SYK: variants seen among roughly 807,000 people sequenced by gnomAD.
The protein encoded by SYK is tyrosine-protein kinase SYK.
A neutral mutation model predicts 77.8 loss-of-function variants in SYK; 16 were observed. That is an observed-to-expected ratio of 0.21 (90% CI 0.14 to 0.31). The LOEUF (loss-of-function observed/expected upper bound fraction) is 0.31. Among genes scored for constraint, SYK ranks in the 10% least tolerant of loss-of-function variants. The probability of loss-of-function intolerance (pLI) is 1.00; values close to 1 mark genes in which losing one functional copy is unlikely to be tolerated. For synonymous variants in SYK, 312 were observed against 308.7 expected (o/e 1.01, Z -0.11); for missense variants, 529 against 814.4 (o/e 0.65, Z 4.26).
chr9:90,842,645 G>A (rs1031793976), intron 1 of SYK, among the ~76,000 whole-genome samples: 25 of 149,542 alleles, frequency 1.7e-4, no homozygotes, highest in Non-Finnish European at 3.4e-4. Context: ...TTGTGTGTTT[G>A]GTGTGTGTGA....
intron 1 of SYK, among the ~76,000 whole-genome samples, chr9:90,839,358 C>A (rs1826207575): frequency 6.6e-6 from 1 of 152,184 alleles, no homozygotes; most frequent in Non-Finnish European, 1.5e-5. Flanking sequence ...AAAGGGCCAT[C>A]AGCCACATCG....
At chr9:90,832,179 C>G (rs1825922096) in intron 1 of SYK, among the ~76,000 whole-genome samples, 1 of 152,174 alleles carries the variant, frequency 6.6e-6, no homozygotes, top group African/African-American at 2.4e-5. Flanking sequence ...GCAAATTCAG[C>G]TTTCATGGTG....
At chr9:90,821,977 C>A (rs290246) in intron 1 of SYK, among the ~76,000 whole-genome samples, 7 of 151,910 alleles carry the variant, frequency 4.6e-5, no homozygotes, top group South Asian at 2.1e-4. Context: ...AAATAAGGTG[C>A]CTTTACACAG....
chr9:90,894,030 C>T (rs150047969), intron 13 of SYK, among the ~76,000 whole-genome samples: 2 of 152,298 alleles, frequency 1.3e-5, no homozygotes, highest in Non-Finnish European at 2.9e-5. Flanking sequence ...GAGACCTGAC[C>T]AGGTGTTTTT....
chr9:90,867,921 A>G (rs1467163950), intron 7 of SYK, among the ~76,000 whole-genome samples: 3 of 151,990 alleles, frequency 2.0e-5, no homozygotes, highest in Non-Finnish European at 4.4e-5. Context: ...CTTTTTTTCC[A>G]TTCTACTTTT....
intron 11 of SYK, among the ~76,000 whole-genome samples, chr9:90,886,430 C>A (rs1231156595): frequency 1.3e-5 from 2 of 152,196 alleles, no homozygotes; most frequent in African/African-American, 4.8e-5. Flanking sequence ...ACAGGCTGGG[C>A]ACGGTGGCTC....
chr9:90,895,450 GC>G lies in SYK; in HGVS notation c.1836-76del. On this transcript the variant is annotated intron_variant, in intron 13 of 13. Transcript: ENST00000375754. The surrounding 1 kb of genome is among the most constrained non-coding windows in gnomAD (Gnocchi z 4.4). Reference sequence around the variant, plus strand: ...CAGGGAGCAGCACCACTGGTACTCAGCCTGCAGAGGCCCTGCTTGTGATCAG... The same window carrying G: ...CAGGGAGCAGCACCACTGGTACTCAGCTGCAGAGGCCCTGCTTGTGATCAG... 1 of 1,486,332 alleles carries G rather than the reference GC, an allele frequency of 6.7e-7. No homozygotes were observed. Among genetic ancestry groups the G allele is most frequent in the Non-Finnish European group, 9.3e-7 (1 of 1,071,080 alleles). The allele number at this position is 1,486,332 out of a possible 1,614,324, so 92.1% of individuals were successfully genotyped here.
intron 1 of SYK, among the ~76,000 whole-genome samples, chr9:90,812,738 G>GATATGTGTGTGTGTGT (rs1825125956): frequency 1.9e-5 from 2 of 102,976 alleles, no homozygotes; most frequent in Non-Finnish European, 3.9e-5. Flanking sequence ...CTCCCCATTT[G>GATATGTGTGTGTGTGT]ATATGTGTGT....
chr9:90,884,439 A>G lies in SYK; in HGVS notation c.1582-3310A>G, dbSNP rs1227852686. On this transcript the variant is annotated intron_variant, in intron 11 of 13. Coordinates refer to ENST00000375754, the MANE Select transcript of SYK (RefSeq NM_003177.7). ...TACATACATATACACATATGTGTGT[A>G]CATATACATACACATACACATATGT... is the stretch of plus-strand genomic sequence containing the variant. Among the ~76,000 whole-genome samples, 30 of 101,982 alleles carry G rather than the reference A, an allele frequency of 2.9e-4. 15 individuals are homozygous for G. Among genetic ancestry groups the G allele is most frequent in the African/African-American group, 8.9e-4 (24 of 26,904 alleles). 66.9% of individuals were successfully genotyped at this position (101,982 alleles called of 152,430 possible). A position where few individuals can be genotyped will look rare whatever the true frequency, so the allele number is the denominator to read the frequency against.
chr9:90,891,163 T>TTTTTA (rs1828774168), intron 13 of SYK, among the ~76,000 whole-genome samples: 1 of 142,046 alleles, frequency 7.0e-6, no homozygotes, highest in African/African-American at 2.6e-5. Context: ...TTTTTTTTTT[T>TTTTTA]GAGACGGAGT....
intron 1 of SYK, among the ~76,000 whole-genome samples, chr9:90,838,848 TG>T (rs1343972845): frequency 6.6e-6 from 1 of 152,198 alleles, no homozygotes; most frequent in African/African-American, 2.4e-5. Context: ...TTAAGCATTG[TG>T]AGTTGGCAAA....
chr9:90,890,415 A>T (rs1828744391), intron 13 of SYK, among the ~76,000 whole-genome samples: 1 of 152,232 alleles, frequency 6.6e-6, no homozygotes. Flanking sequence ...CTGGATGTTC[A>T]CCAGAATTAC....
chr9:90,858,504 C>G (rs182252637), intron 3 of SYK, among the ~76,000 whole-genome samples: 1 of 152,342 alleles, frequency 6.6e-6, no homozygotes, highest in Non-Finnish European at 1.5e-5. Context: ...AGGCAGCAAG[C>G]CAGACAGGAG....
At chr9:90,867,382 T>C (rs1288252968) in intron 7 of SYK, among the ~76,000 whole-genome samples, 183 bp downstream of exon 7, 1 of 152,216 alleles carries the variant, frequency 6.6e-6, no homozygotes, top group Non-Finnish European at 1.5e-5. Flanking sequence ...GTACATCATG[T>C]GCTTTTCATG....
At position 90,811,075 on chromosome 9, in the gene SYK, G is replaced by A. The variant is rs1248691653; in HGVS notation, c.-42+9182G>A. ...AGCTATTAAAAGAAAACTTAGGTGA[G>A]TTTTAAAATAATTGTGAAGAGGCCT... On this transcript the variant is annotated intron_variant, in intron 1 of 13. Transcript: ENST00000375754. Among the ~76,000 whole-genome samples the A allele has an allele frequency of 2.4e-4, 37 of 152,144 alleles. 1 individual carries two copies. The highest frequency in any genetic ancestry group is 5.9e-5 in the Non-Finnish European group (4 of 68,018).
intron 1 of SYK, among the ~76,000 whole-genome samples, chr9:90,828,241 C>CCCT (rs1554706487): frequency 1.0e-5 from 1 of 100,040 alleles, no homozygotes; most frequent in Non-Finnish European, 2.3e-5. Flanking sequence ...CCCCGCCCCC[C>CCCT]CCCCCGCCCC....
intron 6 of SYK, among the ~76,000 whole-genome samples, chr9:90,866,268 T>C (rs1317943929): frequency 6.6e-6 from 1 of 152,154 alleles, no homozygotes; most frequent in African/African-American, 2.4e-5. Flanking sequence ...TTTTGCCTGG[T>C]AACCCTTGAA....
At chr9:90,865,311 C>T (rs1757641254) in intron 6 of SYK, among the ~76,000 whole-genome samples, 3 of 145,016 alleles carry the variant, frequency 2.1e-5, no homozygotes, top group Non-Finnish European at 1.5e-5. Context: ...TTTTCTTTTG[C>T]TTTTTTTTTT....
chr9:90,892,639 G>T (rs967321032), intron 13 of SYK, among the ~76,000 whole-genome samples: 23 of 152,214 alleles, frequency 1.5e-4, no homozygotes, highest in African/African-American at 5.5e-4. Flanking sequence ...CCTAAGAAAA[G>T]CAGGAATCAG....
Sources: allele counts gnomAD v4.1 joint callset (sites outside exome capture counted in the v4.1 genomes callset), GRCh38; gene constraint gnomAD v4.1.1; non-coding constraint Gnocchi (gnomAD v3.1); transcripts MANE v1.5; gene names NCBI Gene and HGNC (gene_info 2026-07-23, HGNC 2026-07-21).